The following PDGFD variants were observed in gnomAD, a reference collection of about 807,000 sequenced individuals.
PDGFD encodes the protein platelet derived growth factor D.
Under a neutral mutation model 44.7 loss-of-function variants are expected in PDGFD, and 30 were observed. The observed-to-expected ratio is 0.67, with a 90% confidence interval of 0.50 to 0.91. PDGFD has a LOEUF of 0.91. Among genes scored for constraint, PDGFD ranks in the 40% least tolerant of loss-of-function variants. The pLI is 0.00. For missense variants in PDGFD, 445 were observed against 457.8 expected (o/e 0.97, Z 0.25); for synonymous variants, 173 against 168.4 (o/e 1.03, Z -0.21).
chr11:104,118,529 C>A (rs540682288), intron 1 of PDGFD, among the ~76,000 whole-genome samples: 4 of 151,030 alleles, frequency 2.6e-5, no homozygotes, highest in Non-Finnish European at 5.9e-5. Flanking sequence ...GTTTCATTTT[C>A]TTGTCCAATG....
chr11:104,082,272 G>T (rs1379733409), intron 1 of PDGFD, among the ~76,000 whole-genome samples: 1 of 151,660 alleles, frequency 6.6e-6, no homozygotes, highest in Non-Finnish European at 1.5e-5. Flanking sequence ...TTAGATAAGG[G>T]TGCCTTTCGC....
At chr11:104,068,399 T>C (rs1417078097) in intron 1 of PDGFD, among the ~76,000 whole-genome samples, 2 of 152,178 alleles carry the variant, frequency 1.3e-5, no homozygotes, top group East Asian at 3.8e-4. Flanking sequence ...ATTCTCTTCT[T>C]TTGCTGTGAC....
chr11:104,032,876 T>C (rs1860150858), intron 1 of PDGFD, among the ~76,000 whole-genome samples: 1 of 151,988 alleles, frequency 6.6e-6, no homozygotes. Context: ...TATATTCTTA[T>C]ATTGTACTTA....
intron 1 of PDGFD, among the ~76,000 whole-genome samples, chr11:104,115,324 T>G (rs980185086): frequency 9.3e-5 from 14 of 149,864 alleles, no homozygotes; most frequent in African/African-American, 3.4e-4. Flanking sequence ...CTACTATATA[T>G]AGTCATATAT....
At chr11:104,120,807 T>C (rs1452759174) in intron 1 of PDGFD, among the ~76,000 whole-genome samples, 1 of 151,994 alleles carries the variant, frequency 6.6e-6, no homozygotes, top group Non-Finnish European at 1.5e-5. Context: ...TTTTTCCCAC[T>C]ATCCTGTCAC....
At chr11:104,071,177 G>C (rs946978745) in intron 1 of PDGFD, among the ~76,000 whole-genome samples, 1 of 151,918 alleles carries the variant, frequency 6.6e-6, no homozygotes, top group African/African-American at 2.4e-5. Context: ...ACAATATTGT[G>C]CATCAGATTT....
intron 1 of PDGFD, among the ~76,000 whole-genome samples, chr11:104,014,768 ATACTGGCATC>A (rs1859836323): frequency 2.0e-5 from 3 of 152,070 alleles, no homozygotes; most frequent in Admixed American, 2.0e-4. Context: ...GACTAACAAT[ATACTGGCATC>A]TGTCTGGCTT....
chr11:104,157,535 T>C (rs527468490), intron 1 of PDGFD, among the ~76,000 whole-genome samples: 2 of 152,298 alleles, frequency 1.3e-5, no homozygotes, highest in South Asian at 4.1e-4. Flanking sequence ...CTGGAAATCT[T>C]GGCAAGTGCT....
chr11:104,087,195 ATT>A (rs33989914), intron 1 of PDGFD, among the ~76,000 whole-genome samples: 2 of 129,104 alleles, frequency 1.5e-5, no homozygotes. Flanking sequence ...CAACTGGCTA[ATT>A]TTTTTTTTTT....
At chr11:104,112,530 C>T (rs1031295620) in intron 1 of PDGFD, among the ~76,000 whole-genome samples, 1 of 151,960 alleles carries the variant, frequency 6.6e-6, no homozygotes, top group Non-Finnish European at 1.5e-5. Context: ...GGTATATACC[C>T]AAAGGAATAT....
chr11:104,053,817 G>C (rs772203891), intron 1 of PDGFD, among the ~76,000 whole-genome samples: 1 of 152,148 alleles, frequency 6.6e-6, no homozygotes, highest in Non-Finnish European at 1.5e-5. Context: ...TATAAAATTG[G>C]ATGGAACAAT....
chr11:104,115,434 T>C (rs1861621558), intron 1 of PDGFD, among the ~76,000 whole-genome samples: 1 of 151,698 alleles, frequency 6.6e-6, no homozygotes, highest in African/African-American at 2.4e-5. Flanking sequence ...ATACTATATA[T>C]AATTGATGGA....
intron 1 of PDGFD, among the ~76,000 whole-genome samples, chr11:104,003,222 T>A (rs887555370): frequency 6.6e-6 from 1 of 152,198 alleles, no homozygotes; most frequent in Non-Finnish European, 1.5e-5. Flanking sequence ...ATGTGGAGAA[T>A]GTGTACATAT....
chr11:103,988,096 C>T (rs1362545364), intron 3 of PDGFD, among the ~76,000 whole-genome samples: 1 of 152,038 alleles, frequency 6.6e-6, no homozygotes, highest in Non-Finnish European at 1.5e-5. Context: ...AGTAACACTG[C>T]TTTGTTTTTG....
intron 1 of PDGFD, among the ~76,000 whole-genome samples, chr11:104,021,108 A>C (rs1386730960): frequency 6.6e-6 from 1 of 152,152 alleles, no homozygotes; most frequent in African/African-American, 2.4e-5. Context: ...CTTTTTGTGG[A>C]TCAAAAGCAA....
chr11:103,990,691 A>T (rs545068449), intron 3 of PDGFD, among the ~76,000 whole-genome samples: 1 of 152,252 alleles, frequency 6.6e-6, no homozygotes, highest in South Asian at 2.1e-4. Context: ...AAAGAAACTG[A>T]GGTAAACAGA....
rs1857963178 is a variant in PDGFD, at chr11:103,907,959, T to A, written c.*1735A>T. The A allele has an allele frequency of 6.6e-6, 1 of 152,158 alleles. No individual in the cohort carries two copies. The highest frequency in any genetic ancestry group is 1.5e-5 in the Non-Finnish European group (1 of 68,022). The allele number at this position is 152,158 out of a possible 1,614,324, so 9.4% of individuals were successfully genotyped here. A position where few individuals can be genotyped will look rare whatever the true frequency, so the allele number is the denominator to read the frequency against. ...AAGGTACATCTTCAATAAGCAGAGA[T>A]CTTTCATCTCAAATAACTGGGAAGA... On this transcript the variant is annotated 3_prime_UTR_variant, in exon 7 of 7. Coordinates refer to ENST00000393158, the MANE Select transcript of PDGFD (RefSeq NM_025208.5).
intron 1 of PDGFD, among the ~76,000 whole-genome samples, chr11:104,132,636 T>C (rs1861941153): frequency 6.6e-6 from 1 of 152,126 alleles, no homozygotes; most frequent in Non-Finnish European, 1.5e-5. Flanking sequence ...AGCTAGATAC[T>C]ACAGATAATA....
chr11:104,106,867 G>A (rs532538237), intron 1 of PDGFD, among the ~76,000 whole-genome samples: 1 of 151,230 alleles, frequency 6.6e-6, no homozygotes, highest in Non-Finnish European at 1.5e-5. Context: ...CCTTAGCCTC[G>A]CAAGTAGCTG....
Sources: allele counts gnomAD v4.1 joint callset (sites outside exome capture counted in the v4.1 genomes callset), GRCh38; gene constraint gnomAD v4.1.1; transcripts MANE v1.5; gene names NCBI Gene and HGNC (gene_info 2026-07-23, HGNC 2026-07-21).